The following RFTN1 variants were observed in gnomAD, a reference collection of about 807,000 sequenced individuals.
RFTN1 encodes the protein raftlin.
Under a neutral mutation model 46.5 loss-of-function variants are expected in RFTN1, and 26 were observed. The ratio of observed to expected loss-of-function variants is 0.56; its 90% confidence interval spans 0.41 to 0.78. RFTN1 has a LOEUF of 0.78. Ranked by LOEUF, RFTN1 falls within the 30% of genes least tolerant of loss-of-function variation. The probability of loss-of-function intolerance (pLI) is 0.00; values close to 1 mark genes in which losing one functional copy is unlikely to be tolerated. For missense variants in RFTN1, 693 were observed against 718.7 expected (o/e 0.96, Z 0.41); for synonymous variants, 261 against 284.2 (o/e 0.92, Z 0.82).
rs1179725376 is a variant in RFTN1, at chr3:16,421,144, C to T, written c.333-11661G>A. On this transcript the variant is annotated intron_variant, in intron 3 of 9. Coordinates refer to ENST00000334133, the MANE Select transcript of RFTN1 (RefSeq NM_015150.2). The surrounding 1 kb of genome is among the most constrained non-coding windows in gnomAD (Gnocchi z 4.6). ...ATACAAAACAGAAAATCGTAAACAACAGAAATGATGAAATAAGCAATATTT... is the reference window on the plus strand; with the variant it reads ...ATACAAAACAGAAAATCGTAAACAATAGAAATGATGAAATAAGCAATATTT... Among the ~76,000 whole-genome samples the T allele has an allele frequency of 6.6e-6, 1 of 152,110 alleles. No individual in the cohort carries two copies. Among genetic ancestry groups the T allele is most frequent in the Non-Finnish European group, 1.5e-5 (1 of 68,026 alleles).
Position 16,402,236 on chromosome 3 carries a change from T to C in RFTN1, c.441+7139A>G, listed in dbSNP as rs1404231547. Among the ~76,000 whole-genome samples, 1 of 152,204 alleles carries C rather than the reference T, an allele frequency of 6.6e-6. No homozygotes were observed. The highest frequency in any genetic ancestry group is 6.5e-5 in the Admixed American group (1 of 15,286). ...CAATGACACGAAGGTTTAGTGAGTA[T>C]TCCTCTTTCTCTTTCAATGTATCCA... On this transcript the variant is annotated intron_variant, in intron 4 of 9. Transcript: ENST00000334133. The surrounding 1 kb of genome is among the most constrained non-coding windows in gnomAD (Gnocchi z 4.5).
chr3:16,404,337 TATATATAATATATAATATATATACAC>T (rs2074787246), intron 4 of RFTN1, among the ~76,000 whole-genome samples: 1 of 33,570 alleles, frequency 3.0e-5, no homozygotes, highest in Non-Finnish European at 5.4e-5. Context: ...TAATATATAA[TATATATAATATATAATATATATACAC>T]AATATATAAT....
intron 4 of RFTN1, among the ~76,000 whole-genome samples, chr3:16,406,009 C>G (rs910623550): frequency 1.3e-5 from 2 of 152,108 alleles, no homozygotes. Context: ...AGGGCCAAAG[C>G]TATTCATTAA....
intron 7 of RFTN1, among the ~76,000 whole-genome samples, chr3:16,333,175 G>A (rs1420268853): frequency 6.6e-6 from 1 of 152,156 alleles, no homozygotes; most frequent in African/African-American, 2.4e-5. Flanking sequence ...TATGCATAGG[G>A]GCTATTTTTA....
In RFTN1 at chr3:16,317,151, G is replaced by T. The variant is rs773816013; in HGVS notation, c.1414C>A (p.Gln472Lys). The T allele has an allele frequency of 6.2e-7, 1 of 1,613,554 alleles. No homozygotes were observed. The highest frequency in any genetic ancestry group is 1.7e-5 in the Admixed American group (1 of 59,978). ...TTCTTCTCATTTTCTTCTGCTTGTT[G>T]TTTGTCTCTGGCACTGAGTTTACCT... ...SKGKLSARDK[Q>K]QAEENEKNLE... is the part of the protein sequence containing the mutation. The change falls in exon 10 of 10, where the codon CAA becomes AAA. Residue 472 changes from glutamine to lysine, a missense_variant. Physicochemically the swap from Gln to Lys is moderately conservative, Grantham distance 53. Coordinates refer to ENST00000334133, the MANE Select transcript of RFTN1 (RefSeq NM_015150.2). This position sits in a 1 kb window ranked among gnomAD's most constrained non-coding sequence, Gnocchi z 4.3.
At position 16,493,876 on chromosome 3, in the gene RFTN1, A is replaced by C. The variant is rs766517667; in HGVS notation, c.-7T>G. On this transcript the variant is annotated splice_region_variant and 5_prime_UTR_variant, in exon 2 of 10. Transcript: ENST00000334133. ...TGTTCAATCCGCAACCCATTTCAGCAGCTGCTGGCCAAAGGAAAAAGGCGG... is the reference window on the plus strand; with the variant it reads ...TGTTCAATCCGCAACCCATTTCAGCCGCTGCTGGCCAAAGGAAAAAGGCGG... 6 of 1,614,164 alleles carry C rather than the reference A, an allele frequency of 3.7e-6. No individual in the cohort carries two copies. The East Asian group carries it at 1.1e-4, about 30-fold the overall frequency.
Position 16,376,618 on chromosome 3 carries a change from G to A in RFTN1, c.826+1100C>T, listed in dbSNP as rs766429082. Among the ~76,000 whole-genome samples, 4 of 152,192 alleles carry A rather than the reference G, an allele frequency of 2.6e-5. No individual in the cohort carries two copies. Among genetic ancestry groups the A allele is most frequent in the Admixed American group, 6.5e-5 (1 of 15,274 alleles). On this transcript the variant is annotated intron_variant, in intron 5 of 9. Coordinates refer to ENST00000334133, the MANE Select transcript of RFTN1 (RefSeq NM_015150.2). This position sits in a 1 kb window ranked among gnomAD's most constrained non-coding sequence, Gnocchi z 4.7. ...GCAGCAGGCATGTGCCTCAAACAGCGAAAAATCACACAGATGAAGGGCTCT... is the reference window on the plus strand; with the variant it reads ...GCAGCAGGCATGTGCCTCAAACAGCAAAAAATCACACAGATGAAGGGCTCT...
At position 16,489,765 on chromosome 3, in the gene RFTN1, G is replaced by A. The variant is rs115499573; in HGVS notation, c.145+3960C>T. Among the ~76,000 whole-genome samples, 923 of 152,122 alleles carry A rather than the reference G, an allele frequency of 6.1e-3. 8 individuals carry two copies. Among genetic ancestry groups the A allele is most frequent in the African/African-American group, 0.021 (879 of 41,480 alleles). Reference sequence around the variant, plus strand: ...TCTACTAAAAATACCAAAATTAGCCGTGTGTAGTGGTGCATGCTTGGAATC... The same window carrying A: ...TCTACTAAAAATACCAAAATTAGCCATGTGTAGTGGTGCATGCTTGGAATC... On this transcript the variant is annotated intron_variant, in intron 2 of 9. Transcript: ENST00000334133. This position sits in a 1 kb window ranked among gnomAD's most constrained non-coding sequence, Gnocchi z 4.0.
intron 5 of RFTN1, among the ~76,000 whole-genome samples, chr3:16,371,126 T>C (rs1165582826): frequency 6.6e-6 from 1 of 152,230 alleles, no homozygotes; most frequent in Non-Finnish European, 1.5e-5. Context: ...GCTTAAAAAG[T>C]CTTGCTTACA....
chr3:16,503,244 A>G (rs1021148263), intron 1 of RFTN1, among the ~76,000 whole-genome samples: 3 of 152,200 alleles, frequency 2.0e-5, no homozygotes, highest in Non-Finnish European at 4.4e-5. Context: ...TCAGACCAGC[A>G]GCAGCATCCA....
At position 16,468,473 on chromosome 3, in the gene RFTN1, G is replaced by A. The variant is rs1377466704; in HGVS notation, c.145+25252C>T. On this transcript the variant is annotated intron_variant, in intron 2 of 9. Coordinates refer to ENST00000334133, the MANE Select transcript of RFTN1 (RefSeq NM_015150.2). This position sits in a 1 kb window ranked among gnomAD's most constrained non-coding sequence, Gnocchi z 4.4. ...TGAAGGGCACGTTTCTCCCTTTGGT[G>A]GGATTTTCTCTTCCAAGCCATTAAA... Among the ~76,000 whole-genome samples, 2 of 152,046 alleles carry A rather than the reference G, an allele frequency of 1.3e-5. No individual in the cohort carries two copies. Among genetic ancestry groups the A allele is most frequent in the African/African-American group, 4.8e-5 (2 of 41,378 alleles).
rs1160939614 is a variant in RFTN1, at chr3:16,345,817, T to TGTGTGTGTGTGTGTGTGC, written c.1146+12114_1146+12115insGCACACACACACACACAC. Among the ~76,000 whole-genome samples, 33 of 74,614 alleles carry TGTGTGTGTGTGTGTGTGC rather than the reference T, an allele frequency of 4.4e-4. No individual in the cohort carries two copies. The highest frequency in any genetic ancestry group is 1.8e-3 in the African/African-American group (32 of 18,178). The allele number at this position is 74,614 out of a possible 152,430, so 48.9% of individuals were successfully genotyped here. ...GTGTGTGTGTGTGTGTGTGTGTGTG[T>TGTGTGTGTGTGTGTGTGC]GCGCGCGCGCGTGCGCGCACGCGCA... On this transcript the variant is annotated intron_variant, in intron 7 of 9. Coordinates refer to ENST00000334133, the MANE Select transcript of RFTN1 (RefSeq NM_015150.2). The surrounding 1 kb of genome is among the most constrained non-coding windows in gnomAD (Gnocchi z 5.2).
chr3:16,332,163 G>GA (rs1298441808), intron 7 of RFTN1, among the ~76,000 whole-genome samples: 1 of 151,746 alleles, frequency 6.6e-6, no homozygotes. Flanking sequence ...CTTCAGTTCT[G>GA]AAAAATGTAT....
At chr3:16,502,065 T>G (rs2076719204) in intron 1 of RFTN1, among the ~76,000 whole-genome samples, 7 of 152,198 alleles carry the variant, frequency 4.6e-5, no homozygotes. Context: ...GGGCTACATT[T>G]TCAAGTTTTC....
Position 16,459,368 on chromosome 3 carries a change from T to C in RFTN1, c.146-25331A>G, listed in dbSNP as rs1187019299. Among the ~76,000 whole-genome samples, 1 of 152,214 alleles carries C rather than the reference T, an allele frequency of 6.6e-6. No homozygotes were observed. The highest frequency in any genetic ancestry group is 6.5e-5 in the Admixed American group (1 of 15,290). On this transcript the variant is annotated intron_variant, in intron 2 of 9. Transcript: ENST00000334133. The surrounding 1 kb of genome is among the most constrained non-coding windows in gnomAD (Gnocchi z 4.2). The stretch of plus-strand genomic sequence containing the variant: ...TAGAAAACTATTTTTCATTTTCTCA[T>C]ATCTCAAAAGATTGAAAATTACAAA...
chr3:16,431,378 T>C (rs191520298), intron 3 of RFTN1, among the ~76,000 whole-genome samples: 2 of 152,160 alleles, frequency 1.3e-5, no homozygotes, highest in East Asian at 3.9e-4. Context: ...TGGAAACAAG[T>C]TAGAAATGTA....
chr3:16,379,566 G>C (rs2073911416), intron 4 of RFTN1, among the ~76,000 whole-genome samples: 1 of 152,278 alleles, frequency 6.6e-6, no homozygotes, highest in Admixed American at 6.5e-5. Context: ...ACCAGGTCTG[G>C]CCTGGGCCAA....
Position 16,481,886 on chromosome 3 carries a change from A to G in RFTN1, c.145+11839T>C, listed in dbSNP as rs1454280146. On this transcript the variant is annotated intron_variant, in intron 2 of 9. Coordinates refer to ENST00000334133, the MANE Select transcript of RFTN1 (RefSeq NM_015150.2). The surrounding 1 kb of genome is among the most constrained non-coding windows in gnomAD (Gnocchi z 5.1). ...GAGGAGTCTATATTCAGCACAGGAA[A>G]AGTCCCGATATTGGCACACTTACAA... is the stretch of plus-strand genomic sequence containing the variant. 6.6e-6 allele frequency among the ~76,000 whole-genome samples: 1 copy of G among 152,184 alleles called. No individual in the cohort carries two copies. Among genetic ancestry groups the G allele is most frequent in the Non-Finnish European group, 1.5e-5 (1 of 68,024 alleles).
At position 16,352,938 on chromosome 3, in the gene RFTN1, C is replaced by T. The variant is rs990000786; in HGVS notation, c.1146+4994G>A. ...TTGCCAACGTGCTGCACTGTCCGCA[C>T]ACTACATTTTCGTGTGTCCATGCAC... On this transcript the variant is annotated intron_variant, in intron 7 of 9. Transcript: ENST00000334133. The surrounding 1 kb of genome is among the most constrained non-coding windows in gnomAD (Gnocchi z 4.6). Among the ~76,000 whole-genome samples the T allele has an allele frequency of 1.3e-5, 2 of 152,158 alleles. No individual in the cohort carries two copies. Among genetic ancestry groups the T allele is most frequent in the Non-Finnish European group, 2.9e-5 (2 of 68,036 alleles).
Sources: allele counts gnomAD v4.1 joint callset (sites outside exome capture counted in the v4.1 genomes callset), GRCh38; gene constraint gnomAD v4.1.1; non-coding constraint Gnocchi (gnomAD v3.1); transcripts MANE v1.5; gene names NCBI Gene and HGNC (gene_info 2026-07-23, HGNC 2026-07-21).